The following BRAT1 variants were observed in gnomAD, a reference collection of about 807,000 sequenced individuals.
BRAT1 encodes the protein BRCA1 associated ATM activator 1, also known as integrator complex assembly factor BRAT1.
Under a neutral mutation model 70.6 loss-of-function variants are expected in BRAT1, and 74 were observed. The ratio of observed to expected loss-of-function variants is 1.05; its 90% CI spans 0.87 to 1.27. The LOEUF (loss-of-function observed/expected upper bound fraction) is 1.27. Ranked by LOEUF, BRAT1 falls within the 50% of genes most tolerant of loss-of-function variation. The probability of loss-of-function intolerance (pLI) is 0.00; values close to 1 mark genes in which losing one functional copy is unlikely to be tolerated. For missense variants in BRAT1, 1,203 were observed against 1,098.2 expected (o/e 1.10, Z -1.35); for synonymous variants, 615 against 517.1 (o/e 1.19, Z -2.57).
intron 12 of BRAT1, 88 bp from the exon 13 acceptor site, chr7:2,539,439 G>A (rs542423156): frequency 2.6e-5 from 40 of 1,511,192 alleles, no homozygotes; most frequent in Admixed American, 1.2e-4. Context: ...GTGGGCAGCC[G>A]ACATGGCCCA....
Position 2,539,536 on chromosome 7 carries a change from G to A in BRAT1, c.1597+8C>T. On this transcript the variant is annotated splice_region_variant and intron_variant, in intron 12 of 13. Transcript: ENST00000340611. ...GGGAAGGCAGCCCCTCCACCTGCCA[G>A]CACTCACCTCCCCAGTGCCTGCTCA... is the stretch of plus-strand genomic sequence containing the variant. 1 of 1,551,706 alleles carries A rather than the reference G, an allele frequency of 6.4e-7. No homozygotes were observed. Among genetic ancestry groups the A allele is most frequent in the Admixed American group, 1.9e-5 (1 of 51,918 alleles).
Position 2,545,006 on chromosome 7 carries a change from TC to T in BRAT1, c.332del (p.Arg111GlnfsTer108). On this transcript the variant is annotated frameshift_variant, in exon 4 of 14. Transcript: ENST00000340611. LOFTEE classifies it high-confidence loss of function. ...GCACGGTGGGGACGGCCCAGGTTGCTCGGCCGAGGGGTCCTGGCTCCCCAAA... is the reference window on the plus strand; with the variant it reads ...GCACGGTGGGGACGGCCCAGGTTGCTGGCCGAGGGGTCCTGGCTCCCCAAA... ...GLFGEPGPLG[R>X]ATWAVPTVRS... The T allele has an allele frequency of 6.4e-7, 1 of 1,552,936 alleles. No individual in the cohort carries two copies. The highest frequency in any genetic ancestry group is 2.4e-5 in the East Asian group (1 of 42,508).
chr7:2,555,156 G>A (rs1271742872), intron 1 of BRAT1, among the ~76,000 whole-genome samples: 1 of 152,022 alleles, frequency 6.6e-6, no homozygotes, highest in East Asian at 1.9e-4. Flanking sequence ...CCCAGGACCA[G>A]GTGTGCATCC....
chr7:2,542,319 AC>A (rs1195907868), intron 6 of BRAT1, 108 bp from the exon 7 acceptor site: 3 of 901,032 alleles, frequency 3.3e-6, no homozygotes, highest in Non-Finnish European at 1.7e-6. Flanking sequence ...GGGTTGGGAC[AC>A]CCCCCGAGAA....
chr7:2,543,261 C>G lies in BRAT1; in HGVS notation c.866G>C (p.Cys289Ser), dbSNP rs140451075. The part of the protein sequence containing the change: ...LWETVARALS[C>S]LGPTHMGPLA... ...GGGTCCCATGTGGGTGGGACCCAGG[C>G]AGCTCAGAGCCCGCGCCACTGTCTC... The change falls in exon 6 of 14, where the codon TGC (cysteine) becomes TCC (serine). Residue 289 changes from cysteine to serine, a missense_variant. By Grantham distance (112) the Cys-to-Ser change is moderately radical. Coordinates refer to ENST00000340611, the MANE Select transcript of BRAT1 (RefSeq NM_152743.4). This position sits in a 1 kb window ranked among gnomAD's most constrained non-coding sequence, Gnocchi z 5.5. 8.0e-3 allele frequency: 12,933 copies of G among 1,611,602 alleles called. 75 individuals carry two copies. Among genetic ancestry groups the G allele is most frequent in the Non-Finnish European group, 9.7e-3 (11,414 of 1,179,002 alleles).
intron 2 of BRAT1, among the ~76,000 whole-genome samples, chr7:2,549,808 A>C (rs1490363587): frequency 6.6e-6 from 1 of 152,250 alleles, no homozygotes; most frequent in Non-Finnish European, 1.5e-5. Flanking sequence ...ACTTTAAAGA[A>C]GCTGATGTAG....
chr7:2,555,099 G>T (rs796393396), intron 1 of BRAT1, among the ~76,000 whole-genome samples: 5 of 150,854 alleles, frequency 3.3e-5, no homozygotes, highest in African/African-American at 1.2e-4. Context: ...GCCGGCGGGG[G>T]GGAGAGGGGG....
chr7:2,542,262 G>A, intron 6 of BRAT1, 51 bp from the exon 7 acceptor site: 1 of 1,463,896 alleles, frequency 6.8e-7, no homozygotes. Flanking sequence ...GAGACAAGTT[G>A]GCTGTGCTCC....
intron 7 of BRAT1, 115 bp from the exon 8 acceptor site, chr7:2,541,951 A>G: frequency 7.8e-7 from 1 of 1,281,368 alleles, no homozygotes. Context: ...GCAGAGCAGC[A>G]GCTCACCAGG....
At position 2,538,642 on chromosome 7, in the gene BRAT1, C is replaced by A; in HGVS notation, c.1893G>T (p.Thr631=). 1 of 1,598,458 alleles carries A rather than the reference C, an allele frequency of 6.3e-7. No homozygotes were observed. Among genetic ancestry groups the A allele is most frequent in the Non-Finnish European group, 8.5e-7 (1 of 1,179,574 alleles). The change falls in exon 14 of 14, where the codon ACG becomes ACT. Residue 631 remains threonine (T), a synonymous_variant. Coordinates refer to ENST00000340611, the MANE Select transcript of BRAT1 (RefSeq NM_152743.4). ...RDGHADAAQD[T]EQFVATVLQA... is the part of the protein sequence containing the mutation. Reference sequence around the variant, plus strand: ...GCAGCACAGTGGCCACGAACTGCTCCGTGTCCTGGGCCGCGTCGGCGTGGC... The same window carrying A: ...GCAGCACAGTGGCCACGAACTGCTCAGTGTCCTGGGCCGCGTCGGCGTGGC...
In BRAT1 at chr7:2,543,988, G is replaced by C; in HGVS notation, c.431-26C>G. The C allele has an allele frequency of 6.6e-7, 1 of 1,522,972 alleles. No individual in the cohort carries two copies. The highest frequency in any genetic ancestry group is 8.9e-7 in the Non-Finnish European group (1 of 1,129,444). 94.3% of individuals were successfully genotyped at this position (1,522,972 alleles called of 1,614,324 possible). A position where few individuals can be genotyped will look rare whatever the true frequency, so the allele number is the denominator to read the frequency against. On this transcript the variant is annotated intron_variant, in intron 4 of 13. Transcript: ENST00000340611. The surrounding 1 kb of genome is among the most constrained non-coding windows in gnomAD (Gnocchi z 5.5). ...CTGGGTAGGGGATGGGGGAAGAGAG[G>C]GAAAAGGGGGTGAGCCAGAATAGAG...
At chr7:2,545,326 T>C (rs1357557635) in intron 3 of BRAT1, among the ~76,000 whole-genome samples, 1 of 118,064 alleles carries the variant, frequency 8.5e-6, no homozygotes, top group Non-Finnish European at 1.6e-5. Flanking sequence ...ATCGCACCAC[T>C]GCACACCAGC....
At chr7:2,554,079 C>G (rs11974537) in intron 2 of BRAT1, among the ~76,000 whole-genome samples, 1 of 151,980 alleles carries the variant, frequency 6.6e-6, no homozygotes, top group Non-Finnish European at 1.5e-5. Flanking sequence ...CGTGGCTCAA[C>G]TGGCTGAATT....
chr7:2,540,906 G>T (rs1449800800), intron 10 of BRAT1, 73 bp downstream of exon 10: 95 of 1,386,830 alleles, frequency 6.9e-5, no homozygotes, highest in Non-Finnish European at 8.7e-5. Flanking sequence ...TGCACGGGAC[G>T]GGGTGGAGTC....
chr7:2,549,089 G>C (rs6951757), intron 2 of BRAT1, among the ~76,000 whole-genome samples: 4 of 152,190 alleles, frequency 2.6e-5, no homozygotes, highest in Non-Finnish European at 5.9e-5. Flanking sequence ...GGTTGTGATG[G>C]CCTGAAGTTC....
chr7:2,551,067 C>A (rs1303325984), intron 2 of BRAT1, among the ~76,000 whole-genome samples: 1 of 151,724 alleles, frequency 6.6e-6, no homozygotes, highest in Non-Finnish European at 1.5e-5. Context: ...TGATGAAATC[C>A]CACCTCTACT....
chr7:2,547,324 C>G lies in BRAT1; in HGVS notation c.282G>C (p.Gln94His). The change falls in exon 3 of 14, where the codon CAG (glutamine) becomes CAC (histidine). Residue 94 changes from glutamine (Q) to histidine (H), a missense_variant and splice_region_variant. By Grantham distance (24) the Gln-to-His change is conservative. Coordinates refer to ENST00000340611, the MANE Select transcript of BRAT1 (RefSeq NM_152743.4). ...AAQENCFQYLQQGELLPGLFG... is the reference protein window; with the variant it reads ...AAQENCFQYLHQGELLPGLFG... ...CTCAGGTGGGAGGCCCCAGGCTCAC[C>G]TGAAGATACTGGAAGCAGTTTTCCT... 1 of 1,614,092 alleles carries G rather than the reference C, an allele frequency of 6.2e-7. No homozygotes were observed. The highest frequency in any genetic ancestry group is 8.5e-7 in the Non-Finnish European group (1 of 1,180,008).
chr7:2,545,566 T>A (rs1283393287), intron 3 of BRAT1, among the ~76,000 whole-genome samples: 1 of 149,010 alleles, frequency 6.7e-6, no homozygotes, highest in Non-Finnish European at 1.5e-5. Flanking sequence ...CTCGGCTCAC[T>A]GCAACCTCTG....
chr7:2,541,080 C>T (rs1245345773), intron 9 of BRAT1, 28 bp from the exon 10 acceptor site: 47 of 1,469,802 alleles, frequency 3.2e-5, no homozygotes, highest in Non-Finnish European at 4.3e-5. Flanking sequence ...GGATAAACCA[C>T]CCCCACCCCC....
Sources: allele counts gnomAD v4.1 joint callset (sites outside exome capture counted in the v4.1 genomes callset), GRCh38; gene constraint gnomAD v4.1.1; non-coding constraint Gnocchi (gnomAD v3.1); transcripts MANE v1.5; gene names NCBI Gene and HGNC (gene_info 2026-07-23, HGNC 2026-07-21).